Variants in WDFY1 observed in about 807,000 individuals in gnomAD.
WDFY1 encodes WD repeat and FYVE domain containing 1.
Under a neutral mutation model 56.4 loss-of-function variants are expected in WDFY1, and 32 were observed. The ratio of observed to expected loss-of-function variants is 0.57; its 90% confidence interval spans 0.43 to 0.76. The LOEUF (loss-of-function observed/expected upper bound fraction) is 0.76, where lower values mean the gene tolerates loss of function less well. WDFY1 is among the 30% of genes least tolerant of loss of function. WDFY1 has a pLI of 0.00. For missense variants in WDFY1, 480 were observed against 545.7 expected (o/e 0.88, Z 1.20); for synonymous variants, 192 against 197.3 (o/e 0.97, Z 0.23).
intron 1 of WDFY1, among the ~76,000 whole-genome samples, chr2:223,943,091 G>C (rs1400770674): frequency 1.3e-5 from 2 of 150,592 alleles, no homozygotes; most frequent in Admixed American, 6.6e-5. Flanking sequence ...TGAGGCAGGA[G>C]AATCGCTTGA....
chr2:223,882,968 A>G (rs1330914236), intron 9 of WDFY1, among the ~76,000 whole-genome samples: 2 of 152,140 alleles, frequency 1.3e-5, no homozygotes, highest in South Asian at 2.1e-4. Flanking sequence ...GGCTCAAGTG[A>G]TCCTCCTGCC....
At chr2:223,928,743 T>C (rs1694025421) in intron 1 of WDFY1, among the ~76,000 whole-genome samples, 1 of 152,222 alleles carries the variant, frequency 6.6e-6, no homozygotes, top group Non-Finnish European at 1.5e-5. Context: ...ATAAGGCAGA[T>C]GCCAGAGGCT....
intron 1 of WDFY1, among the ~76,000 whole-genome samples, chr2:223,927,913 G>A (rs1288386358): frequency 6.6e-6 from 1 of 152,080 alleles, no homozygotes; most frequent in East Asian, 1.9e-4. Flanking sequence ...GGAATAAGGA[G>A]GCCTGGGGGG....
intron 9 of WDFY1, 76 bp downstream of exon 9, chr2:223,884,572 A>G: frequency 7.1e-7 from 1 of 1,404,522 alleles, no homozygotes; most frequent in South Asian, 1.2e-5. Flanking sequence ...AGTGTGTTTC[A>G]AAAAAACCCC....
chr2:223,919,848 G>A (rs1223499257), intron 1 of WDFY1, among the ~76,000 whole-genome samples: 1 of 152,142 alleles, frequency 6.6e-6, no homozygotes, highest in Non-Finnish European at 1.5e-5. Flanking sequence ...GTGTCCTGGA[G>A]GCAGCGTCCT....
At chr2:223,892,382 G>C (rs893515179) in intron 8 of WDFY1, among the ~76,000 whole-genome samples, 2 of 152,170 alleles carry the variant, frequency 1.3e-5, no homozygotes, top group Admixed American at 6.5e-5. Flanking sequence ...CAGCAGACAT[G>C]TAATCCAAAT....
chr2:223,925,541 A>C (rs368561817), intron 1 of WDFY1, among the ~76,000 whole-genome samples: 1 of 152,192 alleles, frequency 6.6e-6, no homozygotes, highest in Non-Finnish European at 1.5e-5. Context: ...TTGTTGATGA[A>C]GGTTGGCGTG....
chr2:223,910,761 A>G (rs1481287366), intron 3 of WDFY1, among the ~76,000 whole-genome samples: 3 of 152,114 alleles, frequency 2.0e-5, no homozygotes, highest in Non-Finnish European at 4.4e-5. Flanking sequence ...ACAAGCAGAA[A>G]ATAACAAGTG....
Position 223,875,538 on chromosome 2 carries a change from A to G in WDFY1, c.*3133T>C, listed in dbSNP as rs527361457. 6 of 152,316 alleles carry G rather than the reference A, an allele frequency of 3.9e-5. No individual in the cohort carries two copies. The highest frequency in any genetic ancestry group is 1.9e-4 in the East Asian group (1 of 5,184). 9.4% of individuals were successfully genotyped at this position (152,316 alleles called of 1,614,324 possible). A position where few individuals can be genotyped will look rare whatever the true frequency, so the allele number is the denominator to read the frequency against. The stretch of plus-strand genomic sequence containing the variant: ...AACATTACCCCTTGCTTCCCCAGTC[A>G]AAAAAGGCTATAGAGAAAAACACTT... On this transcript the variant is annotated 3_prime_UTR_variant, in exon 12 of 12. Coordinates refer to ENST00000233055, the MANE Select transcript of WDFY1 (RefSeq NM_020830.5).
At chr2:223,925,473 T>C (rs1305886771) in intron 1 of WDFY1, among the ~76,000 whole-genome samples, 2 of 152,188 alleles carry the variant, frequency 1.3e-5, no homozygotes, top group East Asian at 3.8e-4. Flanking sequence ...CGAGGGGTAA[T>C]CATTTTGCTG....
intron 1 of WDFY1, among the ~76,000 whole-genome samples, chr2:223,924,247 T>C (rs1460665203): frequency 1.3e-5 from 2 of 152,208 alleles, no homozygotes; most frequent in Admixed American, 6.5e-5. Flanking sequence ...TCTGCACTTT[T>C]AGAGAAGCAA....
chr2:223,884,767 C>G lies in WDFY1; in HGVS notation c.832-18G>C, dbSNP rs1693142625. 2 of 1,608,178 alleles carry G rather than the reference C, an allele frequency of 1.2e-6. No homozygotes were observed. The highest frequency in any genetic ancestry group is 2.7e-5 in the African/African-American group (2 of 74,870). Reference sequence around the variant, plus strand: ...TGAGGAGCCTGGGGGAGCAGAAAGTCAAAGCCACCATCAGTGTGTCTATAT... The same window carrying G: ...TGAGGAGCCTGGGGGAGCAGAAAGTGAAAGCCACCATCAGTGTGTCTATAT... On this transcript the variant is annotated intron_variant, in intron 8 of 11. Transcript: ENST00000233055.
In WDFY1 at chr2:223,898,950, T is replaced by C; in HGVS notation, c.598+8A>G. 1.2e-6 allele frequency: 2 copies of C among 1,612,720 alleles called. No individual in the cohort carries two copies. The highest frequency in any genetic ancestry group is 1.7e-6 in the Non-Finnish European group (2 of 1,178,808). On this transcript the variant is annotated splice_region_variant and intron_variant, in intron 6 of 11. Coordinates refer to ENST00000233055, the MANE Select transcript of WDFY1 (RefSeq NM_020830.5). ...CAAAAAAAACTCTTGGGTGATAATA[T>C]AGCCTACCTTCATGTCCTTTGAGGG...
intron 8 of WDFY1, 74 bp downstream of exon 8, chr2:223,894,160 G>A: frequency 6.9e-7 from 1 of 1,459,246 alleles, no homozygotes; most frequent in Non-Finnish European, 9.5e-7. Context: ...ACAGCTTGCG[G>A]GGTGAAAAGC....
intron 1 of WDFY1, among the ~76,000 whole-genome samples, chr2:223,934,968 G>A (rs1408513025): frequency 1.3e-5 from 2 of 152,140 alleles, no homozygotes; most frequent in Non-Finnish European, 2.9e-5. Context: ...GGCAAACATC[G>A]CACAAGAAGT....
At chr2:223,897,380 A>T (rs1440786026) in intron 6 of WDFY1, among the ~76,000 whole-genome samples, 35,974 of 84,678 alleles carry the variant, frequency 0.42, 6,699 homozygotes, top group East Asian at 0.57. Context: ...ATATATATAT[A>T]TATATATATA....
At position 223,943,184 on chromosome 2, in the gene WDFY1, T is replaced by TAAA. The variant is rs11311599; in HGVS notation, c.137+1961_137+1963dup. Reference sequence around the variant, plus strand: ...TGGGTGACAGAGCAAGCCTCCATCTTAAAAAAAAAAAAAAAAAGTCATTAT... The same window carrying TAAA: ...TGGGTGACAGAGCAAGCCTCCATCTTAAAAAAAAAAAAAAAAAAAAGTCATTAT... On this transcript the variant is annotated intron_variant, in intron 1 of 11. Transcript: ENST00000233055. 4.7e-3 allele frequency among the ~76,000 whole-genome samples: 645 copies of TAAA among 137,196 alleles called. 7 individuals are homozygous for TAAA. Among genetic ancestry groups the TAAA allele is most frequent in the Middle Eastern group, 0.026 (7 of 266 alleles). 90.0% of individuals were successfully genotyped at this position (137,196 alleles called of 152,430 possible). A position where few individuals can be genotyped will look rare whatever the true frequency, so the allele number is the denominator to read the frequency against.
chr2:223,910,460 A>G (rs1559169598), intron 3 of WDFY1, among the ~76,000 whole-genome samples: 1 of 152,032 alleles, frequency 6.6e-6, no homozygotes. Flanking sequence ...AAAAAAAAAA[A>G]AAGTAAAAAG....
intron 1 of WDFY1, among the ~76,000 whole-genome samples, chr2:223,921,020 G>T (rs573946937): frequency 6.6e-6 from 1 of 152,082 alleles, no homozygotes; most frequent in East Asian, 1.9e-4. Context: ...GAGACCAGAG[G>T]GACAATCAGA....
Sources: allele counts gnomAD v4.1 joint callset (sites outside exome capture counted in the v4.1 genomes callset), GRCh38; gene constraint gnomAD v4.1.1; transcripts MANE v1.5; gene names NCBI Gene and HGNC (gene_info 2026-07-23, HGNC 2026-07-21).